The following CNTLN variants were observed in gnomAD, a reference collection of about 807,000 sequenced individuals.
CNTLN encodes the protein centlein.
In CNTLN, 212 loss-of-function variants were observed where a neutral mutation model predicts 180.0. That is an observed-to-expected ratio of 1.18 (90% CI 1.05 to 1.32). CNTLN has a LOEUF of 1.32. CNTLN is among the 40% of genes most tolerant of loss of function. The pLI is 0.00. For synonymous variants in CNTLN, 722 were observed against 563.1 expected (o/e 1.28, Z -3.99); for missense variants, 2,095 against 1,610.9 (o/e 1.30, Z -5.14).
chr9:17,471,890 T>C (rs939807088), intron 23 of CNTLN, among the ~76,000 whole-genome samples: 3 of 152,020 alleles, frequency 2.0e-5, no homozygotes, highest in African/African-American at 7.2e-5. Context: ...AGGAAAGTAA[T>C]GCTGAGACCC....
chr9:17,457,982 T>C (rs1831234284), intron 19 of CNTLN, among the ~76,000 whole-genome samples: 1 of 152,000 alleles, frequency 6.6e-6, no homozygotes, highest in Non-Finnish European at 1.5e-5. Context: ...ACTCTAATAC[T>C]TCTTTCTGCC....
At chr9:17,298,025 G>A (rs1184128729) in intron 6 of CNTLN, among the ~76,000 whole-genome samples, 165 bp from the exon 7 acceptor site, 47 of 152,146 alleles carry the variant, frequency 3.1e-4, no homozygotes, top group Non-Finnish European at 1.3e-4. Context: ...GTGTGTATGT[G>A]ATAAATATTA....
chr9:17,395,620 G>C (rs914330726), intron 15 of CNTLN, among the ~76,000 whole-genome samples: 6 of 152,138 alleles, frequency 3.9e-5, no homozygotes, highest in Non-Finnish European at 5.9e-5. Context: ...ATTATGCAAA[G>C]TCATTGTATT....
intron 12 of CNTLN, among the ~76,000 whole-genome samples, chr9:17,363,220 A>C (rs6475145): frequency 0.6 from 91,056 of 152,090 alleles, 27,519 homozygotes; most frequent in East Asian, 0.73. Flanking sequence ...GATGATTTAT[A>C]ATCCTCTGGG....
intron 15 of CNTLN, among the ~76,000 whole-genome samples, chr9:17,404,799 G>A (rs1030946685): frequency 2.7e-5 from 4 of 147,950 alleles, no homozygotes; most frequent in African/African-American, 7.6e-5. Flanking sequence ...GTACAGTGGC[G>A]CGATCTTGGC....
intron 14 of CNTLN, among the ~76,000 whole-genome samples, chr9:17,388,788 A>C (rs796124986): frequency 4.0e-5 from 6 of 151,210 alleles, no homozygotes; most frequent in African/African-American, 1.4e-4. Flanking sequence ...ATCCATGTAA[A>C]CCTTAGTCAT....
intron 2 of CNTLN, among the ~76,000 whole-genome samples, chr9:17,165,541 A>G (rs1820011066): frequency 6.6e-6 from 1 of 152,130 alleles, no homozygotes; most frequent in African/African-American, 2.4e-5. Context: ...GGAGTGAAGG[A>G]TGAGGCTACA....
At chr9:17,144,125 C>T (rs979408507) in intron 2 of CNTLN, among the ~76,000 whole-genome samples, 32 of 152,138 alleles carry the variant, frequency 2.1e-4, no homozygotes, top group Admixed American at 1.9e-3. Context: ...TTTTTTATTA[C>T]TTGAATTATA....
intron 1 of CNTLN, among the ~76,000 whole-genome samples, chr9:17,140,130 T>C (rs577340195): frequency 6.6e-6 from 1 of 152,292 alleles, no homozygotes; most frequent in East Asian, 1.9e-4. Context: ...AGTTCTGTGT[T>C]TTTTCGGGGG....
At chr9:17,490,044 GAAACCACC>G (rs1833072650) in intron 25 of CNTLN, among the ~76,000 whole-genome samples, 1 of 152,138 alleles carries the variant, frequency 6.6e-6, no homozygotes, top group East Asian at 1.9e-4. Context: ...CAGGATGGGA[GAAACCACC>G]AAAATTACTT....
rs765199687 is a variant in CNTLN, at chr9:17,135,090, C to T, written c.25C>T (p.Pro9Ser). 6.2e-7 allele frequency: 1 copy of T among 1,603,384 alleles called. No individual in the cohort carries two copies. Among genetic ancestry groups the T allele is most frequent in the Non-Finnish European group, 8.5e-7 (1 of 1,177,550 alleles). The part of the protein sequence containing the change: MAARSPPS[P>S]HPSPPARQLG... ...CATGGCGGCGCGTTCGCCTCCCTCA[C>T]CGCACCCTTCGCCCCCAGCGCGACA... is the stretch of plus-strand genomic sequence containing the variant. The change falls in exon 1 of 26, where the codon CCG becomes TCG. Residue 9 changes from proline (P) to serine (S), a missense_variant. Coordinates refer to ENST00000380647, the MANE Select transcript of CNTLN (RefSeq NM_017738.4).
At chr9:17,295,993 AGAGAGTGTGTGTGTGTGTGTGTGTGT>A (rs1164812044) in intron 6 of CNTLN, among the ~76,000 whole-genome samples, 2 of 81,064 alleles carry the variant, frequency 2.5e-5, no homozygotes, top group African/African-American at 1.4e-4. Flanking sequence ...AGAGAGAGAG[AGAGAGTGTGTGTGTGTGTGTGTGTGT>A]GTGTGTGTGT....
At chr9:17,296,209 C>T (rs1011142317) in intron 6 of CNTLN, among the ~76,000 whole-genome samples, 1 of 151,972 alleles carries the variant, frequency 6.6e-6, no homozygotes, top group Admixed American at 6.6e-5. Flanking sequence ...CACTATTGGT[C>T]AGGCTGGTCT....
chr9:17,515,694 TATC>T, the CNTLN span, among the ~76,000 whole-genome samples: 11 of 152,176 alleles, frequency 7.2e-5, no homozygotes, highest in East Asian at 1.9e-4. Context: ...CCTCAGAACG[TATC>T]CAGCATGCAA....
chr9:17,433,065 T>G (rs1829525498), intron 18 of CNTLN, among the ~76,000 whole-genome samples: 1 of 148,876 alleles, frequency 6.7e-6, no homozygotes, highest in Non-Finnish European at 1.5e-5. Context: ...AAAAAAAATG[T>G]CTAACCTCCA....
At chr9:17,488,542 A>T (rs1396558673) in intron 25 of CNTLN, among the ~76,000 whole-genome samples, 1 of 152,168 alleles carries the variant, frequency 6.6e-6, no homozygotes, top group Non-Finnish European at 1.5e-5. Context: ...TGACTATAAA[A>T]ATAATAAATC....
At chr9:17,194,808 A>G (rs962533349) in intron 2 of CNTLN, among the ~76,000 whole-genome samples, 1 of 152,196 alleles carries the variant, frequency 6.6e-6, no homozygotes, top group South Asian at 2.1e-4. Flanking sequence ...TGAGACTGGG[A>G]AGAAAAAGAA....
chr9:17,496,521 C>G (rs1833466256), intron 25 of CNTLN, among the ~76,000 whole-genome samples: 1 of 152,188 alleles, frequency 6.6e-6, no homozygotes, highest in African/African-American at 2.4e-5. Context: ...GCCCTTATCT[C>G]TTAATACCAT....
In CNTLN at chr9:17,340,884, A is replaced by T; in HGVS notation, c.1702A>T (p.Met568Leu). ...AHEKRKERLQ[M>L]LQTNYRAVKE... ...TGAAAAACGCAAGGAACGGCTACAG[A>T]TGTTACAGACCAACTACAGAGCAGT... The change falls in exon 11 of 26, where the codon ATG (methionine) becomes TTG (leucine). Residue 568 changes from methionine (M) to leucine (L), a missense_variant. Physicochemically the swap from Met to Leu is conservative, Grantham distance 15 (BLOSUM62 2). Coordinates refer to ENST00000380647, the MANE Select transcript of CNTLN (RefSeq NM_017738.4). The T allele has an allele frequency of 6.2e-7, 1 of 1,612,638 alleles. No individual in the cohort carries two copies. The highest frequency in any genetic ancestry group is 1.1e-5 in the South Asian group (1 of 90,982).
Sources: gnomAD v4.1 joint callset for allele counts (sites outside exome capture counted in the v4.1 genomes callset) on GRCh38, gnomAD v4.1.1 for gene constraint, MANE v1.5 for transcripts, NCBI Gene and HGNC (gene_info 2026-07-23, HGNC 2026-07-21) for gene names.